The following XYLT1 variants were observed in gnomAD, a reference collection of about 807,000 sequenced individuals.
The protein encoded by XYLT1 is xylosyltransferase 1.
Under a neutral mutation model 91.3 loss-of-function variants are expected in XYLT1, and 36 were observed. The ratio of observed to expected loss-of-function variants is 0.39; its 90% CI spans 0.30 to 0.52. XYLT1 has a LOEUF of 0.52. Ranked by LOEUF, XYLT1 falls within the 20% of genes least tolerant of loss-of-function variation. The pLI is 0.68. For missense variants in XYLT1, 1,242 were observed against 1,284.5 expected, an observed-to-expected ratio of 0.97 and a Z score of 0.51; for synonymous variants, 588 against 532.0, an observed-to-expected ratio of 1.11 and a Z score of -1.45.
At chr16:17,450,210 C>T (rs141000319) in intron 1 of XYLT1, among the ~76,000 whole-genome samples, 2,571 of 152,094 alleles carry the variant, frequency 0.017, 78 homozygotes, top group African/African-American at 0.059. Flanking sequence ...TGGTGGCAGG[C>T]GCCTGTAATC....
intron 3 of XYLT1, among the ~76,000 whole-genome samples, chr16:17,253,070 G>C (rs200510341): frequency 6.6e-6 from 1 of 152,190 alleles, no homozygotes. Flanking sequence ...GGAAATCTGG[G>C]TGTCATGGTT....
Position 17,463,141 on chromosome 16 carries a change from T to C in XYLT1, c.363+7293A>G, listed in dbSNP as rs189618811. ...TATGAGACGACTAGAGAAAAAAACA[T>C]TGGGGAGACACTTCAGGACGCTGAG... On this transcript the variant is annotated intron_variant, in intron 1 of 11. Coordinates refer to ENST00000261381, the MANE Select transcript of XYLT1 (RefSeq NM_022166.4). 3.8e-3 allele frequency among the ~76,000 whole-genome samples: 579 copies of C among 151,292 alleles called. 3 individuals carry two copies. The highest frequency in any genetic ancestry group is 0.024 in the Middle Eastern group (7 of 290).
chr16:17,236,291 T>A lies in XYLT1; in HGVS notation c.913+22697A>T, dbSNP rs114661009. On this transcript the variant is annotated intron_variant, in intron 3 of 11. Transcript: ENST00000261381. ...ATCTTGCTGGCTTTAGTCTCCATGC[T>A]AAGAGTGAAAGTGAGCATGTGTAGG... Among the ~76,000 whole-genome samples the A allele has an allele frequency of 1.3e-3, 204 of 152,318 alleles. 1 individual carries two copies. Among genetic ancestry groups the A allele is most frequent in the African/African-American group, 4.5e-3 (186 of 41,562 alleles).
chr16:17,108,381 A>G lies in XYLT1; in HGVS notation c.*314T>C. ...CTGCTGCTCGAAAGAAAAGTCTGAA[A>G]ATCACACGTCTGGGGTCAGGGGTGG... is the stretch of plus-strand genomic sequence containing the variant. On this transcript the variant is annotated 3_prime_UTR_variant, in exon 12 of 12. Transcript: ENST00000261381. 1 of 305,280 alleles carries G rather than the reference A, an allele frequency of 3.3e-6. No individual in the cohort carries two copies. 18.9% of individuals were successfully genotyped at this position (305,280 alleles called of 1,614,324 possible).
intron 1 of XYLT1, among the ~76,000 whole-genome samples, chr16:17,427,181 C>T (rs890379526): frequency 3.2e-4 from 49 of 152,314 alleles, no homozygotes; most frequent in African/African-American, 1.0e-3. Context: ...ATCGTGTCCA[C>T]GGAAGAGAAG....
intron 2 of XYLT1, among the ~76,000 whole-genome samples, chr16:17,347,016 G>C (rs770703359): frequency 7.9e-5 from 12 of 152,170 alleles, no homozygotes; most frequent in South Asian, 6.2e-4. Context: ...TCACATTGAG[G>C]GGGGAGCCGG....
chr16:17,132,519 ACCC>A (rs2030522407), intron 9 of XYLT1, among the ~76,000 whole-genome samples: 2 of 149,178 alleles, frequency 1.3e-5, no homozygotes, highest in Non-Finnish European at 3.0e-5. Context: ...AATGACCTGA[ACCC>A]TGAGCAGTTA....
intron 6 of XYLT1, among the ~76,000 whole-genome samples, chr16:17,151,819 A>T (rs1292781496): frequency 6.6e-6 from 1 of 152,170 alleles, no homozygotes; most frequent in Non-Finnish European, 1.5e-5. Flanking sequence ...TCTCTATACC[A>T]CTTCTGACCT....
chr16:17,459,299 G>C (rs893919830), intron 1 of XYLT1, among the ~76,000 whole-genome samples: 1 of 152,174 alleles, frequency 6.6e-6, no homozygotes, highest in African/African-American at 2.4e-5. Context: ...TTGAGCCTGC[G>C]AGGTCAAGGT....
chr16:17,416,630 C>G (rs2141917116), intron 1 of XYLT1, among the ~76,000 whole-genome samples: 1 of 152,066 alleles, frequency 6.6e-6, no homozygotes, highest in South Asian at 2.1e-4. Context: ...GCGGCTCCTG[C>G]TGGCATGTCA....
Position 17,134,462 on chromosome 16 carries a change from A to G in XYLT1, c.2027+11T>C. 1 of 1,613,784 alleles carries G rather than the reference A, an allele frequency of 6.2e-7. No homozygotes were observed. Among genetic ancestry groups the G allele is most frequent in the Non-Finnish European group, 8.5e-7 (1 of 1,179,966 alleles). On this transcript the variant is annotated intron_variant, in intron 9 of 11. Transcript: ENST00000261381. ...CTCAGCTCTCCTCTCTGCATCCCAT[A>G]TAGGGCTCACCGGCAGCTGTTCTCC...
intron 2 of XYLT1, among the ~76,000 whole-genome samples, chr16:17,313,233 A>T (rs1298244619): frequency 6.6e-6 from 1 of 152,126 alleles, no homozygotes; most frequent in Non-Finnish European, 1.5e-5. Context: ...TGGCAACTTC[A>T]CAGAGGCCTG....
At chr16:17,232,155 G>A (rs939515623) in intron 3 of XYLT1, among the ~76,000 whole-genome samples, 2 of 137,418 alleles carry the variant, frequency 1.5e-5, no homozygotes, top group Middle Eastern at 3.9e-3. Flanking sequence ...GATTATAATC[G>A]ATTATATATA....
intron 10 of XYLT1, among the ~76,000 whole-genome samples, chr16:17,120,241 T>TA (rs1296638866): frequency 6.6e-6 from 1 of 152,210 alleles, no homozygotes; most frequent in Admixed American, 6.5e-5. Flanking sequence ...TTCAAGGTCT[T>TA]AGAGGTTTTT....
intron 1 of XYLT1, among the ~76,000 whole-genome samples, chr16:17,444,583 G>C (rs1192868721): frequency 3.3e-5 from 5 of 151,372 alleles, no homozygotes; most frequent in African/African-American, 1.2e-4. Context: ...CTGGTCTCAA[G>C]TGATCCTCCC....
At chr16:17,432,812 G>A (rs1222733359) in intron 1 of XYLT1, among the ~76,000 whole-genome samples, 1 of 152,088 alleles carries the variant, frequency 6.6e-6, no homozygotes, top group African/African-American at 2.4e-5. Flanking sequence ...TTCTAGAGGA[G>A]GCTAAAGCAA....
At chr16:17,379,763 T>TCTCTTTCTCACACACACACACACA (rs373354877) in intron 1 of XYLT1, among the ~76,000 whole-genome samples, 13 of 125,544 alleles carry the variant, frequency 1.0e-4, no homozygotes, top group African/African-American at 4.1e-4. Context: ...TCTCTCTCTC[T>TCTCTTTCTCACACACACACACACA]CACACACACA....
At chr16:17,139,682 T>A (rs1481650951) in intron 7 of XYLT1, among the ~76,000 whole-genome samples, 1 of 152,158 alleles carries the variant, frequency 6.6e-6, no homozygotes, top group Non-Finnish European at 1.5e-5. Flanking sequence ...TGGGAAGATG[T>A]ACCCAATTAC....
At chr16:17,302,396 T>C (rs1350177313) in intron 2 of XYLT1, among the ~76,000 whole-genome samples, 1 of 152,188 alleles carries the variant, frequency 6.6e-6, no homozygotes, top group Non-Finnish European at 1.5e-5. Flanking sequence ...GTTAGCAAGC[T>C]GCAAAGCCTG....
Sources: gnomAD v4.1 joint callset for allele counts (sites outside exome capture counted in the v4.1 genomes callset) on GRCh38, gnomAD v4.1.1 for gene constraint, MANE v1.5 for transcripts, NCBI Gene and HGNC (gene_info 2026-07-23, HGNC 2026-07-21) for gene names.